The following DPP10 variants were observed in gnomAD, a reference collection of about 807,000 sequenced individuals.
DPP10 encodes the protein dipeptidyl peptidase like 10, also known as inactive dipeptidyl peptidase 10.
Under a neutral mutation model 120.9 loss-of-function variants are expected in DPP10, and 33 were observed. The observed-to-expected ratio is 0.27, with a 90% CI of 0.21 to 0.37. DPP10 has a LOEUF of 0.37. Ranked by LOEUF, DPP10 falls within the 10% of genes least tolerant of loss-of-function variation. The pLI is 1.00. For missense variants in DPP10, 816 were observed against 942.8 expected (o/e 0.87, Z 1.76); for synonymous variants, 337 against 326.1 (o/e 1.03, Z -0.36).
chr2:114,975,385 T>G (rs946167146), intron 1 of DPP10, among the ~76,000 whole-genome samples: 3 of 152,138 alleles, frequency 2.0e-5, no homozygotes, highest in Non-Finnish European at 4.4e-5. Flanking sequence ...ATTTTAAATG[T>G]TTTAATGTTT....
At chr2:115,150,746 A>ATT (rs1267465166) in intron 1 of DPP10, among the ~76,000 whole-genome samples, 6 of 152,208 alleles carry the variant, frequency 3.9e-5, no homozygotes, top group Non-Finnish European at 7.3e-5. Context: ...CAATTGAAAC[A>ATT]TGTCTGGTCT....
At chr2:114,850,819 G>A (rs1371694247) in intron 1 of DPP10, among the ~76,000 whole-genome samples, 1 of 151,918 alleles carries the variant, frequency 6.6e-6, no homozygotes, top group African/African-American at 2.4e-5. Flanking sequence ...TTATATTACT[G>A]TTTACTGCAT....
intron 1 of DPP10, among the ~76,000 whole-genome samples, chr2:114,510,281 G>T (rs1379806843): frequency 6.6e-6 from 1 of 152,160 alleles, no homozygotes; most frequent in Non-Finnish European, 1.5e-5. Flanking sequence ...AGAAACTGAG[G>T]ATTGTTACAC....
chr2:115,606,323 G>C (rs1416333217), intron 5 of DPP10, among the ~76,000 whole-genome samples: 2 of 151,774 alleles, frequency 1.3e-5, no homozygotes, highest in Non-Finnish European at 2.9e-5. Flanking sequence ...AAATGAAATT[G>C]CCAAAAAAAG....
chr2:115,594,546 A>G (rs1010330597), intron 5 of DPP10, among the ~76,000 whole-genome samples: 1 of 152,178 alleles, frequency 6.6e-6, no homozygotes, highest in African/African-American at 2.4e-5. Flanking sequence ...ATATTACACT[A>G]ACAATCCTCA....
chr2:114,785,709 C>T (rs1403784388), intron 1 of DPP10, among the ~76,000 whole-genome samples: 1 of 151,996 alleles, frequency 6.6e-6, no homozygotes, highest in African/African-American at 2.4e-5. Flanking sequence ...TAATGTAGCC[C>T]CACCCTGGAA....
chr2:114,992,798 T>C (rs1407409609), intron 1 of DPP10, among the ~76,000 whole-genome samples: 1 of 152,218 alleles, frequency 6.6e-6, no homozygotes. Context: ...TTAAAATCGA[T>C]GACATCAGAA....
At chr2:115,692,521 A>C (rs1459867787) in intron 7 of DPP10, among the ~76,000 whole-genome samples, 1 of 152,042 alleles carries the variant, frequency 6.6e-6, no homozygotes. Context: ...TATTGAATTC[A>C]AATGTTTTAT....
chr2:115,090,133 G>A (rs781397497), intron 1 of DPP10, among the ~76,000 whole-genome samples: 12 of 151,042 alleles, frequency 7.9e-5, no homozygotes, highest in Non-Finnish European at 1.8e-4. Flanking sequence ...TCACATTTGT[G>A]TTATGTTTTA....
chr2:114,586,451 G>C (rs893830320), intron 1 of DPP10, among the ~76,000 whole-genome samples: 4 of 152,116 alleles, frequency 2.6e-5, no homozygotes, highest in African/African-American at 9.7e-5. Context: ...CTAAACCTTA[G>C]TTTTCTTTTC....
chr2:114,879,079 A>T (rs1427991244), intron 1 of DPP10, among the ~76,000 whole-genome samples: 1 of 151,834 alleles, frequency 6.6e-6, no homozygotes, highest in South Asian at 2.1e-4. Context: ...TGACTTATTT[A>T]TATCCTTTGG....
At chr2:114,760,772 C>A (rs1406860666) in intron 1 of DPP10, among the ~76,000 whole-genome samples, 1 of 151,870 alleles carries the variant, frequency 6.6e-6, no homozygotes, top group South Asian at 2.1e-4. Flanking sequence ...AGTGAAATTC[C>A]TATTAAAAAG....
At chr2:114,661,320 G>A (rs751497323) in intron 1 of DPP10, among the ~76,000 whole-genome samples, 2 of 152,162 alleles carry the variant, frequency 1.3e-5, no homozygotes, top group Non-Finnish European at 2.9e-5. Flanking sequence ...GGTAAATGGA[G>A]CATAAGTTTC....
chr2:115,634,150 C>G (rs2086127911), intron 5 of DPP10, among the ~76,000 whole-genome samples: 1 of 152,068 alleles, frequency 6.6e-6, no homozygotes, highest in Non-Finnish European at 1.5e-5. Flanking sequence ...CATTTATGTT[C>G]CTCTCTAAAC....
At chr2:115,393,276 G>A (rs1401994831) in intron 3 of DPP10, among the ~76,000 whole-genome samples, 1 of 150,128 alleles carries the variant, frequency 6.7e-6, no homozygotes, top group Non-Finnish European at 1.5e-5. Flanking sequence ...TTGTGCCACT[G>A]CACTCAAGCC....
At chr2:115,160,283 A>T (rs1325484841) in intron 1 of DPP10, among the ~76,000 whole-genome samples, 1 of 152,162 alleles carries the variant, frequency 6.6e-6, no homozygotes, top group African/African-American at 2.4e-5. Context: ...ATCTCCACTC[A>T]CCTCTAATTC....
At chr2:115,341,250 G>A (rs1574489326) in intron 2 of DPP10, among the ~76,000 whole-genome samples, 1 of 151,716 alleles carries the variant, frequency 6.6e-6, no homozygotes, top group Non-Finnish European at 1.5e-5. Context: ...AATACCCAGG[G>A]TTTTTTTAAT....
chr2:115,550,498 G>GTC (rs1209609360), intron 5 of DPP10, among the ~76,000 whole-genome samples: 3 of 152,226 alleles, frequency 2.0e-5, no homozygotes, highest in African/African-American at 7.2e-5. Flanking sequence ...AACAGATGAA[G>GTC]TCTCCAGTGC....
chr2:115,805,947 G>A (rs370687012), intron 19 of DPP10, among the ~76,000 whole-genome samples: 6 of 152,016 alleles, frequency 3.9e-5, no homozygotes, highest in East Asian at 1.9e-4. Context: ...TCTAATCCCC[G>A]TTTTTGCAGG....
Sources: allele counts gnomAD v4.1 joint callset (sites outside exome capture counted in the v4.1 genomes callset), GRCh38; gene constraint gnomAD v4.1.1; transcripts MANE v1.5; gene names NCBI Gene and HGNC (gene_info 2026-07-23, HGNC 2026-07-21).